Variants in COA6 observed in about 807,000 individuals in gnomAD.
The protein encoded by COA6 is cytochrome c oxidase assembly factor 6 homolog.
In COA6, 12 loss-of-function variants were observed where a neutral mutation model predicts 17.1. That is an observed-to-expected ratio of 0.70 (90% CI 0.45 to 1.14). COA6 has a LOEUF of 1.14. Among genes scored for constraint, COA6 ranks in the 50% most tolerant of loss-of-function variants. The pLI is 0.00. For missense variants in COA6, 246 were observed against 196.5 expected, an observed-to-expected ratio of 1.25 and a Z score of -1.51; for synonymous variants, 90 against 73.4, an observed-to-expected ratio of 1.23 and a Z score of -1.16.
chr1:234,378,627 A>G (rs1658876038), intron 2 of COA6, among the ~76,000 whole-genome samples: 1 of 152,208 alleles, frequency 6.6e-6, no homozygotes, highest in Non-Finnish European at 1.5e-5. Flanking sequence ...TAATCCCAGC[A>G]CTTTGGGAGG....
intron 2 of COA6, among the ~76,000 whole-genome samples, chr1:234,382,837 A>T (rs1488267455): frequency 2.0e-5 from 3 of 151,958 alleles, no homozygotes; most frequent in African/African-American, 7.3e-5. Flanking sequence ...AAACCCCATC[A>T]CTACTAAAAA....
intron 2 of COA6, among the ~76,000 whole-genome samples, chr1:234,375,833 T>A (rs752347858): frequency 6.6e-6 from 1 of 152,154 alleles, no homozygotes; most frequent in Non-Finnish European, 1.5e-5. Flanking sequence ...TTTAAAATTA[T>A]TTTGTAAAGA....
chr1:234,383,067 G>A (rs1209172433), intron 2 of COA6, among the ~76,000 whole-genome samples: 1 of 144,818 alleles, frequency 6.9e-6, no homozygotes, highest in Non-Finnish European at 1.5e-5. Context: ...AGGGAGGGAG[G>A]GAAGGGAATG....
chr1:234,383,212 A>G (rs1164825133), intron 2 of COA6, among the ~76,000 whole-genome samples: 1 of 152,038 alleles, frequency 6.6e-6, no homozygotes, highest in Non-Finnish European at 1.5e-5. Flanking sequence ...ATTTCTTGAG[A>G]AGGTTCCTGA....
At chr1:234,380,488 A>C (rs771890779) in intron 2 of COA6, among the ~76,000 whole-genome samples, 4 of 152,242 alleles carry the variant, frequency 2.6e-5, no homozygotes, top group Non-Finnish European at 4.4e-5. Flanking sequence ...TGATTTCAAA[A>C]TTTGGATCTT....
In COA6 at chr1:234,377,133, T is replaced by TCTTTTTTGTTGTTGTTG. The variant is rs1553268493; in HGVS notation, c.372+2744_372+2745insCTTTTTTGTTGTTGTTG. On this transcript the variant is annotated intron_variant, in intron 2 of 2. Transcript: ENST00000366615. Reference sequence around the variant, plus strand: ...CTCTGTCTCCTCTTTTTTTGTTTTTTTTGTTGTTGTTGAGACAGAGTCTCA... The same window carrying TCTTTTTTGTTGTTGTTG: ...CTCTGTCTCCTCTTTTTTTGTTTTTTCTTTTTTGTTGTTGTTGTTGTTGTTGTTGAGACAGAGTCTCA... 2.9e-5 allele frequency among the ~76,000 whole-genome samples: 2 copies of TCTTTTTTGTTGTTGTTG among 69,546 alleles called. 1 individual carries two copies. Among genetic ancestry groups the TCTTTTTTGTTGTTGTTG allele is most frequent in the Non-Finnish European group, 5.4e-5 (2 of 37,260 alleles). The allele number at this position is 69,546 out of a possible 152,430, so 45.6% of individuals were successfully genotyped here. A position where few individuals can be genotyped will look rare whatever the true frequency, so the allele number is the denominator to read the frequency against.
chr1:234,374,501 T>C (rs1658727566), intron 2 of COA6, 112 bp downstream of exon 2: 2 of 1,123,592 alleles, frequency 1.8e-6, no homozygotes, highest in Non-Finnish European at 1.3e-6. Flanking sequence ...AACAGTTTCT[T>C]TGAGGCGCAG....
At chr1:234,378,679 C>T (rs1267911823) in intron 2 of COA6, among the ~76,000 whole-genome samples, 16 of 152,098 alleles carry the variant, frequency 1.1e-4, no homozygotes, top group Non-Finnish European at 2.9e-5. Flanking sequence ...TTGAGACCAG[C>T]CTGGCCAACA....
chr1:234,379,876 G>C (rs912029078), intron 2 of COA6, among the ~76,000 whole-genome samples: 10 of 152,156 alleles, frequency 6.6e-5, no homozygotes, highest in Non-Finnish European at 1.3e-4. Flanking sequence ...ACCTTCACCT[G>C]GTCTCTCCCT....
chr1:234,374,255 C>G lies in COA6; in HGVS notation c.238C>G (p.Pro80Ala). 6.2e-7 allele frequency: 1 copy of G among 1,612,726 alleles called. No homozygotes were observed. The highest frequency in any genetic ancestry group is 1.3e-5 in the African/African-American group (1 of 74,880). The change falls in exon 2 of 3, where the codon CCA becomes GCA. Residue 80 changes from proline (P) to alanine (A), a missense_variant. By Grantham distance (27) the Pro-to-Ala change is conservative. Transcript: ENST00000366615. ...CTTCATCGCAGTAGGAATGGCAGCC[C>G]CATCTATGAAGGAAAGACAGGTCTG... ...ESFIAVGMAA[P>A]SMKERQVCWG...
chr1:234,374,282 T>TG lies in COA6; in HGVS notation c.271dup (p.Ala91GlyfsTer4), dbSNP rs1161604507. 2.5e-6 allele frequency: 4 copies of TG among 1,613,866 alleles called. No homozygotes were observed. Among genetic ancestry groups the TG allele is most frequent in the Non-Finnish European group, 3.4e-6 (4 of 1,179,962 alleles). On this transcript the variant is annotated frameshift_variant, in exon 2 of 3. Transcript: ENST00000366615. LOFTEE classifies it high-confidence loss of function. ...ATCTATGAAGGAAAGACAGGTCTGC[T>TG]GGGGGGCCCGGGATGAGTACTGGAA...
Position 234,383,862 on chromosome 1 carries a change from A to G in COA6, c.*44A>G. On this transcript the variant is annotated 3_prime_UTR_variant, in exon 3 of 3. Transcript: ENST00000366615. ...AAGTATTCTTTCTGGACATTGAAAA[A>G]GCTCCACTGACTATGGAACAGTAAT... 1.0e-6 allele frequency: 1 copy of G among 958,218 alleles called. No homozygotes were observed. The highest frequency in any genetic ancestry group is 2.2e-4 in the Middle Eastern group (1 of 4,612). 59.4% of individuals were successfully genotyped at this position (958,218 alleles called of 1,614,324 possible).
intron 2 of COA6, among the ~76,000 whole-genome samples, chr1:234,377,133 T>TTTTTTGTTGTTGTTGGTG (rs60899682): frequency 1.4e-5 from 1 of 69,546 alleles, no homozygotes; most frequent in African/African-American, 9.2e-5. Context: ...TTTTGTTTTT[T>TTTTTTGTTGTTGTTGGTG]TTGTTGTTGT....
At chr1:234,382,820 G>C (rs1158251240) in intron 2 of COA6, among the ~76,000 whole-genome samples, 2 of 152,014 alleles carry the variant, frequency 1.3e-5, no homozygotes, top group African/African-American at 4.8e-5. Context: ...GCCTGGCCAA[G>C]ATGGCAAAAC....
chr1:234,377,112 G>T (rs6657787), intron 2 of COA6, among the ~76,000 whole-genome samples: 30,940 of 76,380 alleles, frequency 0.41, 9,826 homozygotes, highest in African/African-American at 0.7. Flanking sequence ...TCCAGTCTCT[G>T]TCTCCTCTTT....
intron 1 of COA6, 186 bp downstream of exon 1, chr1:234,373,864 T>G (rs765037911): frequency 1.9e-6 from 3 of 1,608,270 alleles, no homozygotes; most frequent in Non-Finnish European, 2.5e-6. Context: ...CCCTGTAAAC[T>G]AGGCACTGCT....
chr1:234,383,606 T>A, intron 2 of COA6, 117 bp from the exon 3 acceptor site: 1 of 569,528 alleles, frequency 1.8e-6, no homozygotes, highest in Admixed American at 3.4e-5. Context: ...ACAAAATGGT[T>A]CTAGAATATA....
rs962844305 is a variant in COA6, at chr1:234,384,827, G to A, written c.*1009G>A. Among the ~76,000 whole-genome samples, 3 of 152,188 alleles carry A rather than the reference G, an allele frequency of 2.0e-5. No individual in the cohort carries two copies. The highest frequency in any genetic ancestry group is 2.0e-4 in the Admixed American group (3 of 15,282). The stretch of plus-strand genomic sequence containing the variant: ...ACCTATTTACATTGTATTAGGTATT[G>A]TAAGTCATTGAGATGATTTAAAGTA... On this transcript the variant is annotated 3_prime_UTR_variant, in exon 3 of 3. Coordinates refer to ENST00000366615, the MANE Select transcript of COA6 (RefSeq NM_001206641.3).
chr1:234,377,059 C>CGAGAGAGA (rs71170479), intron 2 of COA6, among the ~76,000 whole-genome samples: 2,529 of 82,524 alleles, frequency 0.031, 203 homozygotes, highest in Non-Finnish European at 0.04. Flanking sequence ...GCTGTGTTGC[C>CGAGAGAGA]GAGAGAGAGA....
Sources: gnomAD v4.1 joint callset for allele counts (sites outside exome capture counted in the v4.1 genomes callset) on GRCh38, gnomAD v4.1.1 for gene constraint, MANE v1.5 for transcripts, NCBI Gene and HGNC (gene_info 2026-07-23, HGNC 2026-07-21) for gene names.